CENPE: variants seen among roughly 807,000 people sequenced by gnomAD.
CENPE encodes centromere protein E.
CENPE carries 145 observed loss-of-function variants against 336.1 expected under a neutral mutation model. The observed-to-expected ratio is 0.43, with a 90% confidence interval of 0.38 to 0.50. The LOEUF (loss-of-function observed/expected upper bound fraction) is 0.50. Among genes scored for constraint, CENPE ranks in the 20% least tolerant of loss-of-function variants. The pLI is 0.00. For synonymous variants in CENPE, 1,013 were observed against 984.8 expected, an observed-to-expected ratio of 1.03 and a Z score of -0.54; for missense variants, 2,719 against 3,023.3, an observed-to-expected ratio of 0.90 and a Z score of 2.36.
In CENPE at chr4:103,180,315, A is replaced by G; in HGVS notation, c.1238T>C (p.Leu413Ser). ...TSSSLTLQQE[L>S]KAKRKRRVTW... is the part of the protein sequence containing the mutation. ...GCTGTCATCTTTTAATTTTACCTTT[A>G]ATTCCTGTTGCAACGTGAGGGAAGA... The change falls in exon 13 of 49, where the codon TTA (leucine) becomes TCA (serine). Residue 413 changes from leucine (L) to serine (S), a missense_variant. This residue lies in a region of CENPE where 117 missense variants were observed against 215.8 expected (regional missense o/e 0.54). Coordinates refer to ENST00000265148, the MANE Select transcript of CENPE (RefSeq NM_001813.3). 1 of 1,609,356 alleles carries G rather than the reference A, an allele frequency of 6.2e-7. No homozygotes were observed. Among genetic ancestry groups the G allele is most frequent in the Non-Finnish European group, 8.5e-7 (1 of 1,177,710 alleles).
chr4:103,125,863 T>A (rs112456984), intron 42 of CENPE, among the ~76,000 whole-genome samples: 43 of 85,964 alleles, frequency 5.0e-4, no homozygotes, highest in African/African-American at 2.2e-3. Flanking sequence ...TGAGACTCCA[T>A]CTCAAAAAAA....
At chr4:103,194,716 GA>G in intron 5 of CENPE, 32 bp from the exon 6 acceptor site, 1 of 1,517,084 alleles carries the variant, frequency 6.6e-7, no homozygotes, top group Non-Finnish European at 9.0e-7. Flanking sequence ...AAAGATTAGA[GA>G]AATAGAAGTC....
intron 42 of CENPE, among the ~76,000 whole-genome samples, chr4:103,128,291 C>T (rs893937545): frequency 6.6e-6 from 1 of 152,144 alleles, no homozygotes; most frequent in African/African-American, 2.4e-5. Context: ...GATAAAACTA[C>T]AAGGAGAAAT....
intron 42 of CENPE, among the ~76,000 whole-genome samples, chr4:103,130,041 A>T (rs1471186213): frequency 6.6e-6 from 1 of 152,222 alleles, no homozygotes; most frequent in East Asian, 1.9e-4. Flanking sequence ...GTCTACAAAA[A>T]ACTACAGCTA....
chr4:103,172,213 C>T (rs1053662326), intron 16 of CENPE, among the ~76,000 whole-genome samples: 6 of 151,982 alleles, frequency 3.9e-5, no homozygotes, highest in African/African-American at 1.4e-4. Flanking sequence ...GAACAAAATA[C>T]TATAAAACTG....
intron 48 of CENPE, among the ~76,000 whole-genome samples, chr4:103,108,502 A>G (rs1296872045): frequency 6.6e-6 from 1 of 152,156 alleles, no homozygotes; most frequent in Non-Finnish European, 1.5e-5. Context: ...CTTTTCAGTA[A>G]AAGTTGCTTT....
chr4:103,187,607 T>C (rs1303127467), intron 8 of CENPE, among the ~76,000 whole-genome samples: 2 of 152,012 alleles, frequency 1.3e-5, no homozygotes, highest in Non-Finnish European at 2.9e-5. Context: ...CTGAGAGATT[T>C]TGTCACCACC....
chr4:103,174,993 T>C, intron 15 of CENPE, 90 bp from the exon 16 acceptor site: 3 of 741,710 alleles, frequency 4.0e-6, no homozygotes, highest in Non-Finnish European at 6.1e-6. Flanking sequence ...ATAACTACTT[T>C]AACTTTGATT....
In CENPE at chr4:103,176,919, A is replaced by C. The variant is rs1269792952; in HGVS notation, c.1370T>G (p.Leu457Ter). The C allele has an allele frequency of 3.2e-6, 5 of 1,586,418 alleles. No individual in the cohort carries two copies. The highest frequency in any genetic ancestry group is 4.3e-6 in the Non-Finnish European group (5 of 1,166,998). Residue 457 changes from leucine (L) to a stop codon, truncating the protein, a stop_gained, in exon 14 of 49, where the codon TTA becomes TGA. Coordinates refer to ENST00000265148, the MANE Select transcript of CENPE (RefSeq NM_001813.3). LOFTEE classifies it high-confidence loss of function. ...CTCACATTCATCAATTTCTCGTAAT[A>C]AATTTATAGAAAGCTTATGTGTTTT... ...TTKTHKLSIN[L>*]LREIDESVCS...
At chr4:103,158,517 AGCT>A in intron 23 of CENPE, 59 bp from the exon 24 acceptor site, 1 of 1,500,824 alleles carries the variant, frequency 6.7e-7, no homozygotes, top group Non-Finnish European at 9.0e-7. Context: ...ATTATTTTGT[AGCT>A]ACTACATAAC....
intron 41 of CENPE, 145 bp downstream of exon 41, chr4:103,133,550 C>T: frequency 1.6e-6 from 1 of 634,240 alleles, no homozygotes; most frequent in Non-Finnish European, 2.7e-6. Flanking sequence ...CATTATTTGC[C>T]AGTCTTTATG....
intron 42 of CENPE, among the ~76,000 whole-genome samples, chr4:103,127,135 A>C (rs887185409): frequency 4.0e-5 from 6 of 151,176 alleles, no homozygotes; most frequent in African/African-American, 9.7e-5. Flanking sequence ...CCGAAAAAAA[A>C]CCCCCAAAAA....
At chr4:103,163,874 G>T (rs1354085193) in intron 16 of CENPE, among the ~76,000 whole-genome samples, 1 of 152,092 alleles carries the variant, frequency 6.6e-6, no homozygotes, top group Non-Finnish European at 1.5e-5. Context: ...TTGGAGGAGA[G>T]ATTTAAAAAG....
At chr4:103,124,707 T>C (rs1750940507) in intron 42 of CENPE, among the ~76,000 whole-genome samples, 1 of 152,170 alleles carries the variant, frequency 6.6e-6, no homozygotes, top group South Asian at 2.1e-4. Flanking sequence ...ACTTCCTAAT[T>C]CCTGCAGATT....
intron 9 of CENPE, among the ~76,000 whole-genome samples, chr4:103,184,215 T>C (rs1756559009): frequency 6.6e-6 from 1 of 152,238 alleles, no homozygotes; most frequent in Admixed American, 6.5e-5. Flanking sequence ...GTTTGGTGGA[T>C]GTAGGCTAGG....
chr4:103,147,322 A>G (rs202210449), intron 29 of CENPE, 34 bp downstream of exon 29: 5 of 1,534,802 alleles, frequency 3.3e-6, no homozygotes, highest in African/African-American at 2.8e-5. Flanking sequence ...CTTATAAGAC[A>G]CTTGTTAAAA....
rs536273055 is a variant in CENPE, at chr4:103,176,056, T to C, written c.1391-8A>G. Reference sequence around the variant, plus strand: ...CAGACTCTGAACAGACAGCTATAATTAGAGAAAAAAAAAATTTGTCCATGA... The same window carrying C: ...CAGACTCTGAACAGACAGCTATAATCAGAGAAAAAAAAAATTTGTCCATGA... On this transcript the variant is annotated splice_polypyrimidine_tract_variant and splice_region_variant and intron_variant, in intron 14 of 48. Transcript: ENST00000265148. 6.5e-7 allele frequency: 1 copy of C among 1,543,866 alleles called. No homozygotes were observed. Among genetic ancestry groups the C allele is most frequent in the East Asian group, 2.3e-5 (1 of 43,740 alleles).
intron 42 of CENPE, among the ~76,000 whole-genome samples, chr4:103,125,617 C>A (rs973349680): frequency 1.3e-5 from 2 of 152,064 alleles, no homozygotes; most frequent in African/African-American, 2.4e-5. Flanking sequence ...GTAATCCCAG[C>A]ACTCTGGCAG....
At chr4:103,111,074 GA>G in intron 46 of CENPE, 63 bp from the exon 47 acceptor site, 1 of 1,211,218 alleles carries the variant, frequency 8.3e-7, no homozygotes, top group Non-Finnish European at 1.2e-6. Context: ...CAAAATAAAG[GA>G]AATACTACCA....
Sources: allele counts gnomAD v4.1 joint callset (sites outside exome capture counted in the v4.1 genomes callset), GRCh38; gene constraint gnomAD v4.1.1; regional missense constraint gnomAD v4.1.1; transcripts MANE v1.5; gene names NCBI Gene and HGNC (gene_info 2026-07-23, HGNC 2026-07-21).